The following PALD1 variants were observed in gnomAD, a reference collection of about 807,000 sequenced individuals.
PALD1 encodes paladin.
Under a neutral mutation model 96.0 loss-of-function variants are expected in PALD1, and 57 were observed. The observed-to-expected ratio is 0.59, with a 90% CI of 0.48 to 0.74. PALD1 has a LOEUF of 0.74. Among genes scored for constraint, PALD1 ranks in the 30% least tolerant of loss-of-function variants. The pLI, the probability that PALD1 is intolerant of heterozygous loss-of-function variation, is 0.00. For synonymous variants in PALD1, 464 were observed against 473.6 expected, an observed-to-expected ratio of 0.98 and a Z score of 0.26; for missense variants, 1,063 against 1,143.7, an observed-to-expected ratio of 0.93 and a Z score of 1.02.
chr10:70,488,161 G>T (rs1015936497), intron 1 of PALD1, among the ~76,000 whole-genome samples: 3 of 151,296 alleles, frequency 2.0e-5, no homozygotes, highest in Admixed American at 1.3e-4. Flanking sequence ...CTTTCCTGTT[G>T]CCCAGGCTGC....
At position 70,542,214 on chromosome 10, in the gene PALD1, G is replaced by A. The variant is rs141462353; in HGVS notation, c.2121+680G>A. ...AAGCTCTTGCAGCCTTTGCATATGC[G>A]GTGCCTTCTCCCTTCCTTCTTCTGG... is the stretch of plus-strand genomic sequence containing the variant. On this transcript the variant is annotated intron_variant, in intron 17 of 19. Coordinates refer to ENST00000263563, the MANE Select transcript of PALD1 (RefSeq NM_014431.3). 6.6e-3 allele frequency among the ~76,000 whole-genome samples: 1,001 copies of A among 152,262 alleles called. 14 individuals are homozygous for A. Among genetic ancestry groups the A allele is most frequent in the Admixed American group, 0.034 (519 of 15,302 alleles).
intron 1 of PALD1, among the ~76,000 whole-genome samples, chr10:70,519,673 C>T (rs368175846): frequency 4.6e-5 from 7 of 151,066 alleles, no homozygotes; most frequent in South Asian, 2.1e-4. Flanking sequence ...CTCCCAGATT[C>T]GAGTGATTCT....
At chr10:70,514,404 C>G (rs536922516) in intron 1 of PALD1, among the ~76,000 whole-genome samples, 1 of 152,160 alleles carries the variant, frequency 6.6e-6, no homozygotes, top group Non-Finnish European at 1.5e-5. Flanking sequence ...TATAAAAACA[C>G]TTGAGAAACA....
At position 70,563,446 on chromosome 10, in the gene PALD1, C is replaced by T. The variant is rs535588161; in HGVS notation, c.2263-918C>T. Among the ~76,000 whole-genome samples, 8 of 152,360 alleles carry T rather than the reference C, an allele frequency of 5.3e-5. No homozygotes were observed. In the South Asian group the frequency reaches 1.7e-3, roughly 32 times the overall value. On this transcript the variant is annotated intron_variant, in intron 18 of 19. Coordinates refer to ENST00000263563, the MANE Select transcript of PALD1 (RefSeq NM_014431.3). ...ATTGGCTTTGCTGTCCCTCTCCGCCCCAGCACGTGGCCTGGTGCCATTTCC... is the reference window on the plus strand; with the variant it reads ...ATTGGCTTTGCTGTCCCTCTCCGCCTCAGCACGTGGCCTGGTGCCATTTCC...
upstream of PALD1, among the ~76,000 whole-genome samples, chr10:70,474,912 G>A (rs1344957527): frequency 2.6e-5 from 4 of 152,284 alleles, no homozygotes; most frequent in South Asian, 8.3e-4. Context: ...GGCAGATAGG[G>A]GAGGAGTCCA....
At chr10:70,474,000 G>C (rs1046426865), upstream of PALD1, among the ~76,000 whole-genome samples, 1 of 152,126 alleles carries the variant, frequency 6.6e-6, no homozygotes, top group Non-Finnish European at 1.5e-5. Flanking sequence ...GAATGAGCCA[G>C]GATTCCTCCC....
At position 70,529,980 on chromosome 10, in the gene PALD1, A is replaced by G; in HGVS notation, c.380A>G (p.Gln127Arg). 1 of 1,611,558 alleles carries G rather than the reference A, an allele frequency of 6.2e-7. No individual in the cohort carries two copies. The highest frequency in any genetic ancestry group is 8.5e-7 in the Non-Finnish European group (1 of 1,178,856). The change falls in exon 4 of 20, where the codon CAG becomes CGG. Residue 127 changes from glutamine to arginine, a missense_variant. Coordinates refer to ENST00000263563, the MANE Select transcript of PALD1 (RefSeq NM_014431.3). ...GGGGCCCCCAACTTCCGGCAGGTGCAGGGTGGGCTCACTGTGTTCGGCATG... is the reference window on the plus strand; with the variant it reads ...GGGGCCCCCAACTTCCGGCAGGTGCGGGGTGGGCTCACTGTGTTCGGCATG... ...SCGAPNFRQV[Q>R]GGLTVFGMGQ...
At chr10:70,551,796 G>A (rs1847484908) in intron 18 of PALD1, among the ~76,000 whole-genome samples, 1 of 152,176 alleles carries the variant, frequency 6.6e-6, no homozygotes, top group Non-Finnish European at 1.5e-5. Flanking sequence ...GGATCAGAGA[G>A]GAGGGCTCAG....
chr10:70,492,921 G>C (rs1846123809), intron 1 of PALD1, among the ~76,000 whole-genome samples: 1 of 152,224 alleles, frequency 6.6e-6, no homozygotes, highest in Non-Finnish European at 1.5e-5. Context: ...TCTGGACTGA[G>C]TCATGTTCTC....
chr10:70,517,370 C>A (rs539687502), intron 1 of PALD1, among the ~76,000 whole-genome samples: 1 of 140,768 alleles, frequency 7.1e-6, no homozygotes, highest in South Asian at 2.2e-4. Flanking sequence ...GAGATGGAGT[C>A]TTGCTCTGTC....
At chr10:70,562,179 A>T (rs1486219726) in intron 18 of PALD1, among the ~76,000 whole-genome samples, 2 of 152,042 alleles carry the variant, frequency 1.3e-5, no homozygotes, top group African/African-American at 4.8e-5. Context: ...AGCTCATGGG[A>T]CTCATGTCTC....
At position 70,567,290 on chromosome 10, in the gene PALD1, C is replaced by G. The variant is rs1847874894; in HGVS notation, c.*557C>G. 6.5e-6 allele frequency: 1 copy of G among 152,972 alleles called. No individual in the cohort carries two copies. The highest frequency in any genetic ancestry group is 6.5e-5 in the Admixed American group (1 of 15,310). The allele number at this position is 152,972 out of a possible 1,614,324, so 9.5% of individuals were successfully genotyped here. Reference sequence around the variant, plus strand: ...AGATCTATTATGTGAAAGGCAGCTTCACCCAGTTTTCTGGACTCTCATGCC... The same window carrying G: ...AGATCTATTATGTGAAAGGCAGCTTGACCCAGTTTTCTGGACTCTCATGCC... On this transcript the variant is annotated 3_prime_UTR_variant, in exon 20 of 20. Coordinates refer to ENST00000263563, the MANE Select transcript of PALD1 (RefSeq NM_014431.3).
chr10:70,559,015 C>T (rs975868172), intron 18 of PALD1, among the ~76,000 whole-genome samples: 6 of 152,096 alleles, frequency 3.9e-5, no homozygotes, highest in Admixed American at 6.6e-5. Flanking sequence ...GTGTCATTTG[C>T]GTAGGAGGGC....
intron 1 of PALD1, among the ~76,000 whole-genome samples, chr10:70,484,025 T>A (rs1845975426): frequency 6.6e-6 from 1 of 152,160 alleles, no homozygotes; most frequent in African/African-American, 2.4e-5. Flanking sequence ...TTTTTTGAGA[T>A]GGAGTCTCAC....
intron 1 of PALD1, among the ~76,000 whole-genome samples, chr10:70,501,316 G>A (rs1024576199): frequency 3.3e-5 from 5 of 152,188 alleles, no homozygotes; most frequent in African/African-American, 1.2e-4. Context: ...CGGCCTCCCT[G>A]GGCCTCCATG....
intron 1 of PALD1, among the ~76,000 whole-genome samples, chr10:70,501,020 G>A (rs1160856859): frequency 6.6e-6 from 1 of 152,218 alleles, no homozygotes; most frequent in African/African-American, 2.4e-5. Context: ...GCTCCTGATG[G>A]AATGTTGGCC....
At chr10:70,542,501 G>GGAAT (rs1847272064) in intron 17 of PALD1, among the ~76,000 whole-genome samples, 1 of 152,242 alleles carries the variant, frequency 6.6e-6, no homozygotes, top group East Asian at 1.9e-4. Flanking sequence ...GACTACTCTA[G>GGAAT]GAATCTTCTA....
Position 70,541,220 on chromosome 10 carries a change from T to C in PALD1, c.2027T>C (p.Val676Ala). Residue 676 changes from valine (V) to alanine (A), a missense_variant, in exon 16 of 20, where the codon GTC becomes GCC. Coordinates refer to ENST00000263563, the MANE Select transcript of PALD1 (RefSeq NM_014431.3). Reference protein sequence around the residue: ...GRTTTAMVVAVLAFWHIQGFP... With the variant: ...GRTTTAMVVAALAFWHIQGFP... ...ACCACAACTGCGATGGTGGTGGCTG[T>C]CCTGGCCTTCTGGCACATCCAAGTA... 1 of 1,609,112 alleles carries C rather than the reference T, an allele frequency of 6.2e-7. No individual in the cohort carries two copies. Among genetic ancestry groups the C allele is most frequent in the Non-Finnish European group, 8.5e-7 (1 of 1,178,162 alleles).
chr10:70,517,925 TGGA>T (rs1280559386), intron 1 of PALD1, among the ~76,000 whole-genome samples: 3 of 151,856 alleles, frequency 2.0e-5, no homozygotes, highest in African/African-American at 7.3e-5. Context: ...TTTTTTGAGA[TGGA>T]GTTTCACTCT....
Sources: gnomAD v4.1 joint callset for allele counts (sites outside exome capture counted in the v4.1 genomes callset) on GRCh38, gnomAD v4.1.1 for gene constraint, MANE v1.5 for transcripts, NCBI Gene and HGNC (gene_info 2026-07-23, HGNC 2026-07-21) for gene names.